ADAMTSL3: variants seen among roughly 807,000 people sequenced by gnomAD.
ADAMTSL3 encodes the protein ADAMTS like 3.
Under a neutral mutation model 201.7 loss-of-function variants are expected in ADAMTSL3, and 128 were observed. That is an observed-to-expected ratio of 0.63 (90% CI 0.55 to 0.73). The LOEUF (loss-of-function observed/expected upper bound fraction) is 0.73, where lower values mean the gene tolerates loss of function less well. Among genes scored for constraint, ADAMTSL3 ranks in the 30% least tolerant of loss-of-function variants. The probability of loss-of-function intolerance (pLI) is 0.00; values close to 1 mark genes in which losing one functional copy is unlikely to be tolerated. For synonymous variants in ADAMTSL3, 738 were observed against 748.4 expected, an observed-to-expected ratio of 0.99 and a Z score of 0.23; for missense variants, 1,990 against 2,119.6, an observed-to-expected ratio of 0.94 and a Z score of 1.20.
intron 3 of ADAMTSL3, among the ~76,000 whole-genome samples, chr15:83,735,648 TCTCA>T (rs889819676): frequency 1.3e-5 from 2 of 151,966 alleles, no homozygotes; most frequent in Admixed American, 6.6e-5. Flanking sequence ...GTGTTGGTAA[TCTCA>T]CTAACTTCAA....
At position 83,892,714 on chromosome 15, in the gene ADAMTSL3, C is replaced by T. The variant is rs749729813; in HGVS notation, c.1293C>T (p.Ser431=). 1.7e-5 allele frequency: 27 copies of T among 1,613,666 alleles called. No individual in the cohort carries two copies. Among genetic ancestry groups the T allele is most frequent in the Admixed American group, 1.0e-4 (6 of 59,938 alleles). The stretch of plus-strand genomic sequence containing the variant: ...AACATAATCCTTGGACTGCATGTTC[C>T]GTGTCCTGTGGAGGAGGGATTCAGA... ...RWEHNPWTAC[S]VSCGGGIQRR... Residue 431 remains serine, a synonymous_variant, in exon 13 of 30, where the codon TCC becomes TCT. Transcript: ENST00000286744.
intron 2 of ADAMTSL3, among the ~76,000 whole-genome samples, chr15:83,690,242 T>G (rs2061593430): frequency 6.6e-6 from 1 of 152,120 alleles, no homozygotes; most frequent in Admixed American, 6.5e-5. Flanking sequence ...TAATTTCACT[T>G]CTCTACTTAA....
intron 12 of ADAMTSL3, 141 bp from the exon 13 acceptor site, chr15:83,892,543 A>G (rs926364709): frequency 5.0e-6 from 4 of 793,502 alleles, no homozygotes; most frequent in Admixed American, 2.7e-5. Context: ...AAAAAAAAGT[A>G]TAAAGTCTTA....
chr15:83,736,357 T>C (rs1280768468), intron 3 of ADAMTSL3, among the ~76,000 whole-genome samples: 2 of 152,234 alleles, frequency 1.3e-5, no homozygotes, highest in Admixed American at 1.3e-4. Flanking sequence ...TGACAGCTAA[T>C]AATTCTGCAT....
intron 17 of ADAMTSL3, among the ~76,000 whole-genome samples, chr15:83,928,386 A>G (rs529589143): frequency 2.6e-5 from 4 of 152,338 alleles, no homozygotes; most frequent in South Asian, 4.1e-4. Flanking sequence ...ATGTTGGGGT[A>G]TATTTTATTT....
chr15:83,819,263 C>CA (rs397932701), intron 5 of ADAMTSL3, among the ~76,000 whole-genome samples: 24,317 of 76,014 alleles, frequency 0.32, 3,225 homozygotes, highest in South Asian at 0.39. Flanking sequence ...CACTCCGTCT[C>CA]AAAAAAAAAA....
At position 83,838,091 on chromosome 15, in the gene ADAMTSL3, A is replaced by G. The variant is rs1349013521; in HGVS notation, c.603A>G (p.Ala201=). 6.2e-7 allele frequency: 1 copy of G among 1,607,702 alleles called. No individual in the cohort carries two copies. The highest frequency in any genetic ancestry group is 8.5e-7 in the Non-Finnish European group (1 of 1,177,682). The change falls in exon 7 of 30, where the codon GCA becomes GCG. Residue 201 remains alanine, a splice_region_variant and synonymous_variant. Transcript: ENST00000286744. The stretch of plus-strand genomic sequence containing the variant: ...GACTGCCATGCTTCTGTTGGCAGGC[A>G]GTGGGCTGCGATCGGCAACTGGGAA... ...LDMCISGICQ[A]VGCDRQLGSN...
intron 22 of ADAMTSL3, among the ~76,000 whole-genome samples, 177 bp downstream of exon 22, chr15:83,988,995 C>A (rs2067536275): frequency 6.6e-6 from 1 of 151,856 alleles, no homozygotes; most frequent in Non-Finnish European, 1.5e-5. Context: ...CATTCTCCAG[C>A]CTCAGCCTCC....
intron 2 of ADAMTSL3, among the ~76,000 whole-genome samples, chr15:83,661,072 G>A (rs1453836690): frequency 1.4e-5 from 2 of 145,574 alleles, no homozygotes; most frequent in African/African-American, 5.1e-5. Context: ...TCTCAGGTTT[G>A]TCAAAGATCA....
rs1246460959 is a variant in ADAMTSL3, at chr15:83,982,275, A to G, written c.2647A>G (p.Ile883Val). The change falls in exon 21 of 30, where the codon ATC (isoleucine) becomes GTC (valine). Residue 883 changes from isoleucine to valine, a missense_variant and splice_region_variant. Transcript: ENST00000286744. ...RSCQMPECSK[I>V]KSEMKTKLGE... ...CTTTCTTTTTTTTTTTCTTGGAGAA[A>G]TCAAATCAGAGATGAAGACAAAACT... The G allele has an allele frequency of 2.6e-6, 4 of 1,565,006 alleles. No homozygotes were observed. The highest frequency in any genetic ancestry group is 1.7e-6 in the Non-Finnish European group (2 of 1,157,366).
At chr15:83,964,192 G>C (rs563775006) in intron 19 of ADAMTSL3, among the ~76,000 whole-genome samples, 68 of 152,300 alleles carry the variant, frequency 4.5e-4, no homozygotes, top group African/African-American at 1.6e-3. Context: ...ATTGACAGAA[G>C]TAGGCTTCAG....
At chr15:83,776,822 T>C (rs929013360) in intron 4 of ADAMTSL3, among the ~76,000 whole-genome samples, 5 of 152,224 alleles carry the variant, frequency 3.3e-5, no homozygotes, top group African/African-American at 1.2e-4. Flanking sequence ...AAATCAGTTA[T>C]GTGATGGGAA....
rs539946993 is a variant in ADAMTSL3 at position 83,958,819 on chromosome 15, A to C, written c.2491-11665A>C. On this transcript the variant is annotated intron_variant, in intron 19 of 29. Transcript: ENST00000286744. Reference sequence around the variant, plus strand: ...TAAAATGATAGCTGACGGTTTAGAAAAGAATTTTTAAAACTAAGGGTAAAT... The same window carrying C: ...TAAAATGATAGCTGACGGTTTAGAACAGAATTTTTAAAACTAAGGGTAAAT... 6.6e-5 allele frequency among the ~76,000 whole-genome samples: 10 copies of C among 152,058 alleles called. No individual in the cohort carries two copies. The South Asian group carries it at 1.9e-3, about 28-fold the overall frequency.
At chr15:83,822,587 T>C (rs1419995384) in intron 6 of ADAMTSL3, among the ~76,000 whole-genome samples, 2 of 144,728 alleles carry the variant, frequency 1.4e-5, no homozygotes, top group African/African-American at 2.6e-5. Flanking sequence ...TCCCCACATC[T>C]CAGACGATGG....
chr15:83,770,774 A>G (rs1241237136), intron 3 of ADAMTSL3, among the ~76,000 whole-genome samples: 2 of 152,176 alleles, frequency 1.3e-5, no homozygotes, highest in African/African-American at 2.4e-5. Flanking sequence ...TATGATTTTT[A>G]AAAACACAAA....
chr15:83,997,509 A>C (rs1225314900), intron 23 of ADAMTSL3, among the ~76,000 whole-genome samples: 1 of 152,170 alleles, frequency 6.6e-6, no homozygotes, highest in Non-Finnish European at 1.5e-5. Context: ...GAATCGCTTG[A>C]ACCTGGGAGG....
chr15:83,780,285 C>T (rs1211520722), intron 4 of ADAMTSL3, among the ~76,000 whole-genome samples: 1 of 151,944 alleles, frequency 6.6e-6, no homozygotes, highest in Non-Finnish European at 1.5e-5. Flanking sequence ...TGGCGGGCAC[C>T]TGTAATGCCA....
At chr15:83,884,464 G>A (rs1165229164) in intron 9 of ADAMTSL3, among the ~76,000 whole-genome samples, 1 of 148,024 alleles carries the variant, frequency 6.8e-6, no homozygotes, top group East Asian at 2.1e-4. Flanking sequence ...TAATAGAGAT[G>A]GGGTTTCACC....
At chr15:83,677,688 G>T (rs1330448921) in intron 2 of ADAMTSL3, among the ~76,000 whole-genome samples, 1 of 151,878 alleles carries the variant, frequency 6.6e-6, no homozygotes, top group Non-Finnish European at 1.5e-5. Context: ...GAGAGCATAT[G>T]GTTGAGTCAT....
Sources: gnomAD v4.1 joint callset for allele counts (sites outside exome capture counted in the v4.1 genomes callset) on GRCh38, gnomAD v4.1.1 for gene constraint, MANE v1.5 for transcripts, NCBI Gene and HGNC (gene_info 2026-07-23, HGNC 2026-07-21) for gene names.